The following ZDHHC2 variants were observed in gnomAD, a reference collection of about 807,000 sequenced individuals.
ZDHHC2 encodes zDHHC palmitoyltransferase 2.
In ZDHHC2, 51 loss-of-function variants were observed where a neutral mutation model predicts 55.6. The observed-to-expected ratio is 0.92, with a 90% CI of 0.73 to 1.16. The LOEUF is 1.16. Among genes scored for constraint, ZDHHC2 ranks in the 50% most tolerant of loss-of-function variants. The pLI is 0.00. For synonymous variants in ZDHHC2, 199 were observed against 152.9 expected, an observed-to-expected ratio of 1.30 and a Z score of -2.22; for missense variants, 491 against 442.4, an observed-to-expected ratio of 1.11 and a Z score of -0.99.
chr8:17,192,801 C>G (rs796412227), intron 3 of ZDHHC2, among the ~76,000 whole-genome samples: 1 of 152,172 alleles, frequency 6.6e-6, no homozygotes, highest in South Asian at 2.1e-4. Flanking sequence ...TTGCGTATGG[C>G]AAGAGATATG....
chr8:17,162,481 G>A (rs892591938), intron 1 of ZDHHC2, among the ~76,000 whole-genome samples: 10 of 152,210 alleles, frequency 6.6e-5, no homozygotes, highest in East Asian at 1.9e-4. Flanking sequence ...AGAAGCTGAC[G>A]GGATGGTTTC....
intron 6 of ZDHHC2, among the ~76,000 whole-genome samples, chr8:17,200,192 C>G (rs1006944709): frequency 2.0e-5 from 3 of 152,198 alleles, no homozygotes; most frequent in African/African-American, 7.2e-5. Context: ...TGGCAGCTCC[C>G]CATTCAGGCA....
intron 3 of ZDHHC2, 114 bp from the exon 4 acceptor site, chr8:17,195,390 A>C: frequency 8.2e-7 from 1 of 1,225,206 alleles, no homozygotes; most frequent in Non-Finnish European, 1.1e-6. Context: ...GTCTCTTTGA[A>C]TGTACAATAT....
At chr8:17,180,879 T>TG (rs1185204424) in intron 1 of ZDHHC2, among the ~76,000 whole-genome samples, 1 of 152,180 alleles carries the variant, frequency 6.6e-6, no homozygotes, top group Non-Finnish European at 1.5e-5. Context: ...AAAACCAAGC[T>TG]GGGGGTGGAG....
At chr8:17,218,331 T>A (rs953558887) in intron 12 of ZDHHC2, among the ~76,000 whole-genome samples, 4 of 152,308 alleles carry the variant, frequency 2.6e-5, no homozygotes, top group Non-Finnish European at 5.9e-5. Context: ...TATGAGTCAC[T>A]ACCAGCCAAT....
chr8:17,184,064 C>T (rs376869055), intron 1 of ZDHHC2, among the ~76,000 whole-genome samples: 2 of 152,262 alleles, frequency 1.3e-5, no homozygotes, highest in African/African-American at 4.8e-5. Context: ...GGCAAAACTT[C>T]CAAAGACTCT....
At chr8:17,171,842 T>G (rs1400477688) in intron 1 of ZDHHC2, among the ~76,000 whole-genome samples, 1 of 151,464 alleles carries the variant, frequency 6.6e-6, no homozygotes, top group Non-Finnish European at 1.5e-5. Context: ...AACCCTGTTT[T>G]TAGACTCTCC....
chr8:17,156,820 T>A lies in ZDHHC2; in HGVS notation c.97T>A (p.Ser33Thr). 1 of 1,520,414 alleles carries A rather than the reference T, an allele frequency of 6.6e-7. No homozygotes were observed. The highest frequency in any genetic ancestry group is 1.7e-4 in the Middle Eastern group (1 of 5,846). The allele number at this position is 1,520,414 out of a possible 1,614,324, so 94.2% of individuals were successfully genotyped here. The change falls in exon 1 of 13, where the codon TCC becomes ACC. Residue 33 changes from serine (S) to threonine (T), a missense_variant. Ser to Thr is a moderately conservative substitution (Grantham distance 58, BLOSUM62 1). Transcript: ENST00000262096. ...GTTCATCACCCTCCTGCTCGGCTGG[T>A]CCTACTACGCCTACGCCATCCAGCT... The part of the protein sequence containing the change: ...VVFITLLLGW[S>T]YYAYAIQLCI...
At chr8:17,203,734 C>T (rs549316134) in intron 6 of ZDHHC2, among the ~76,000 whole-genome samples, 1 of 152,170 alleles carries the variant, frequency 6.6e-6, no homozygotes, top group African/African-American at 2.4e-5. Context: ...TGCATCCCCC[C>T]ACTGGAACCT....
rs1807996951 is a variant in ZDHHC2 at position 17,223,361 on chromosome 8, C to G, written c.*3140C>G. ...CCATCCCACCCACACACCTAGACTA[C>G]AGATTCTGATCTGTGAATATTTTCA... is the stretch of plus-strand genomic sequence containing the variant. On this transcript the variant is annotated 3_prime_UTR_variant, in exon 13 of 13. Coordinates refer to ENST00000262096, the MANE Select transcript of ZDHHC2 (RefSeq NM_016353.5). The G allele has an allele frequency of 6.6e-6, 1 of 151,864 alleles. No homozygotes were observed. The allele number at this position is 151,864 out of a possible 1,614,324, so 9.4% of individuals were successfully genotyped here.
At chr8:17,177,532 A>G (rs183961254) in intron 1 of ZDHHC2, among the ~76,000 whole-genome samples, 204 of 152,272 alleles carry the variant, frequency 1.3e-3, no homozygotes, top group African/African-American at 4.6e-3. Flanking sequence ...TTGTTTTTTC[A>G]GTTAGTTTTT....
chr8:17,207,072 A>G (rs1481732557), intron 7 of ZDHHC2, among the ~76,000 whole-genome samples: 1 of 152,218 alleles, frequency 6.6e-6, no homozygotes, highest in Admixed American at 6.5e-5. Context: ...TCAAACCACA[A>G]ACATATATGA....
rs1563175021 is a variant in ZDHHC2 at position 17,220,958 on chromosome 8, CTTCTT to C, written c.*738_*742del. On this transcript the variant is annotated 3_prime_UTR_variant, in exon 13 of 13. Transcript: ENST00000262096. ...TTACATCAGAAATATATTTTCATCT[CTTCTT>C]GTTAAATTGGGAGGAAATTTATGAT... The C allele has an allele frequency of 6.6e-6, 1 of 152,156 alleles. No individual in the cohort carries two copies. Among genetic ancestry groups the C allele is most frequent in the African/African-American group, 2.4e-5 (1 of 41,430 alleles). 9.4% of individuals were successfully genotyped at this position (152,156 alleles called of 1,614,324 possible).
chr8:17,197,391 T>A (rs576911741), intron 4 of ZDHHC2, among the ~76,000 whole-genome samples, 191 bp from the exon 5 acceptor site: 1 of 152,352 alleles, frequency 6.6e-6, no homozygotes, highest in Non-Finnish European at 1.5e-5. Flanking sequence ...TGGTTAAACC[T>A]CCAGAGAACT....
At chr8:17,206,520 TTGA>T (rs1198019886) in intron 7 of ZDHHC2, among the ~76,000 whole-genome samples, 1 of 152,196 alleles carries the variant, frequency 6.6e-6, no homozygotes, top group Non-Finnish European at 1.5e-5. Flanking sequence ...ATAACGAGAA[TTGA>T]TGACTATATA....
intron 6 of ZDHHC2, among the ~76,000 whole-genome samples, chr8:17,199,465 A>ACTTCTTCTTCTTCTT (rs377014817): frequency 8.2e-4 from 81 of 98,598 alleles, no homozygotes; most frequent in African/African-American, 1.8e-3. Flanking sequence ...CTTTAATAAG[A>ACTTCTTCTTCTTCTT]CTTCTTCTTC....
At chr8:17,161,179 C>G (rs886175262) in intron 1 of ZDHHC2, among the ~76,000 whole-genome samples, 2 of 152,228 alleles carry the variant, frequency 1.3e-5, no homozygotes, top group African/African-American at 4.8e-5. Context: ...TTGAAGGCCA[C>G]TGCAGGCTCA....
At position 17,156,648 on chromosome 8, in the gene ZDHHC2, G is replaced by A. The variant is rs1563425845; in HGVS notation, c.-76G>A. ...CCCAGGAGCCCGTCCAGCCAGGGGT[G>A]CCGGGCCCGCCCAGCCCGCCCCGGA... On this transcript the variant is annotated 5_prime_UTR_variant, in exon 1 of 13. Coordinates refer to ENST00000262096, the MANE Select transcript of ZDHHC2 (RefSeq NM_016353.5). The A allele has an allele frequency of 8.9e-7, 1 of 1,119,748 alleles. No homozygotes were observed. The allele number at this position is 1,119,748 out of a possible 1,614,324, so 69.4% of individuals were successfully genotyped here.
chr8:17,205,795 ACT>A lies in ZDHHC2; in HGVS notation c.597+23_597+24del. 6.3e-7 allele frequency: 1 copy of A among 1,582,102 alleles called. No individual in the cohort carries two copies. Among genetic ancestry groups the A allele is most frequent in the African/African-American group, 1.4e-5 (1 of 72,772 alleles). On this transcript the variant is annotated intron_variant, in intron 7 of 12. Coordinates refer to ENST00000262096, the MANE Select transcript of ZDHHC2 (RefSeq NM_016353.5). Reference sequence around the variant, plus strand: ...TGGACAGTAAGTCATTAACTTGGTAACTCTTTTTTTGGTATACAATAATAGAT... The same window carrying A: ...TGGACAGTAAGTCATTAACTTGGTAACTTTTTTTGGTATACAATAATAGAT...
Sources: gnomAD v4.1 joint callset for allele counts (sites outside exome capture counted in the v4.1 genomes callset) on GRCh38, gnomAD v4.1.1 for gene constraint, MANE v1.5 for transcripts, NCBI Gene and HGNC (gene_info 2026-07-23, HGNC 2026-07-21) for gene names.